The following METTL27 variants were observed in gnomAD, a reference collection of about 807,000 sequenced individuals.
The protein encoded by METTL27 is methyltransferase-like protein 27.
A neutral mutation model predicts 24.5 loss-of-function variants in METTL27; 29 were observed. That is an observed-to-expected ratio of 1.18 (90% CI 0.88 to 1.61). The LOEUF is 1.61. METTL27 is among the 40% of genes most tolerant of loss of function. The pLI is 0.00. For synonymous variants in METTL27, 138 were observed against 146.8 expected (o/e 0.94, Z 0.43); for missense variants, 341 against 324.3 (o/e 1.05, Z -0.40).
intron 1 of METTL27, 108 bp from the exon 2 acceptor site, chr7:73,842,252 C>T: frequency 1.4e-6 from 2 of 1,475,026 alleles, no homozygotes; most frequent in South Asian, 1.4e-5. Flanking sequence ...CTCCTGCCAG[C>T]GCGACCCCTA....
At chr7:73,839,903 T>G in intron 5 of METTL27, 128 bp downstream of exon 5, 1 of 777,390 alleles carries the variant, frequency 1.3e-6, no homozygotes, top group Non-Finnish European at 1.9e-6. Context: ...GGCTAGGCTG[T>G]GTGTGACGCT....
intron 5 of METTL27, among the ~76,000 whole-genome samples, chr7:73,838,559 G>A (rs1167452703): frequency 6.6e-6 from 1 of 152,206 alleles, no homozygotes; most frequent in Non-Finnish European, 1.5e-5. Flanking sequence ...GTTGCTGATA[G>A]AAGGGAGCGC....
rs1788107923 is a variant in METTL27 at position 73,834,680 on chromosome 7, A to C, written c.*63T>G. The C allele has an allele frequency of 2.0e-6, 3 of 1,481,344 alleles. No individual in the cohort carries two copies. Among genetic ancestry groups the C allele is most frequent in the Non-Finnish European group, 2.8e-6 (3 of 1,084,292 alleles). 91.8% of individuals were successfully genotyped at this position (1,481,344 alleles called of 1,614,324 possible). The stretch of plus-strand genomic sequence containing the variant: ...TTTACAGGGGAGGCAGAGGAGGCCC[A>C]GCAGATGGGCCCAGCTAAGGCCACA... On this transcript the variant is annotated 3_prime_UTR_variant, in exon 6 of 6. Transcript: ENST00000297873.
At position 73,842,076 on chromosome 7, in the gene METTL27, A is replaced by G. The variant is rs1554636579; in HGVS notation, c.65T>C (p.Ile22Thr). 2 of 1,613,938 alleles carry G rather than the reference A, an allele frequency of 1.2e-6. No homozygotes were observed. The highest frequency in any genetic ancestry group is 1.1e-5 in the South Asian group (1 of 91,080). Reference protein sequence around the residue: ...VRARVRAAHGIPDLAQKLHFY... With the variant: ...VRARVRAAHGTPDLAQKLHFY... ...ATGGAGCTTTTGGGCCAGGTCGGGG[A>G]TGCCATGCGCGGCCCTGACCCGCGC... is the stretch of plus-strand genomic sequence containing the variant. Residue 22 changes from isoleucine to threonine, a missense_variant, in exon 2 of 6, where the codon ATC (isoleucine) becomes ACC (threonine). Transcript: ENST00000297873.
intron 5 of METTL27, among the ~76,000 whole-genome samples, chr7:73,837,753 G>C (rs1584337845): frequency 6.6e-6 from 1 of 152,154 alleles, no homozygotes; most frequent in East Asian, 1.9e-4. Context: ...GTAGAGATGG[G>C]GTTTTGCCAT....
Position 73,841,141 on chromosome 7 carries a change from C to T in METTL27, c.181G>A (p.Ala61Thr). ...GCACTGTGGGGCGGGCCTGGAAGGG[C>T]TTGTGTGAGGCAGTCCACTGCGAGG... ...PRLAVDCLTQALPGPPHSALI... is the reference protein window; with the variant it reads ...PRLAVDCLTQTLPGPPHSALI... The change falls in exon 3 of 6, where the codon GCC becomes ACC. Residue 61 changes from alanine to threonine, a missense_variant. Coordinates refer to ENST00000297873, the MANE Select transcript of METTL27 (RefSeq NM_152559.3). The T allele has an allele frequency of 6.5e-7, 1 of 1,541,846 alleles. No homozygotes were observed. Among genetic ancestry groups the T allele is most frequent in the Non-Finnish European group, 8.7e-7 (1 of 1,154,092 alleles).
rs73702580 is a variant in METTL27 at position 73,842,087 on chromosome 7, G to T, written c.54C>A (p.Ala18=). The T allele has an allele frequency of 2.6e-5, 42 of 1,613,832 alleles. No individual in the cohort carries two copies. In the South Asian group the frequency reaches 4.1e-4, roughly 16 times the overall value. ...GGGCCAGGTCGGGGATGCCATGCGC[G>T]GCCCTGACCCGCGCCCGCACCTCGG... is the stretch of plus-strand genomic sequence containing the variant. The part of the protein sequence containing the change: ...SLPEVRARVR[A]AHGIPDLAQK... Residue 18 remains alanine (A), a synonymous_variant, in exon 2 of 6, where the codon GCC becomes GCA. Transcript: ENST00000297873.
chr7:73,836,342 C>CA (rs1788195293), intron 5 of METTL27, among the ~76,000 whole-genome samples: 1 of 99,878 alleles, frequency 1.0e-5, no homozygotes, highest in Non-Finnish European at 2.2e-5. Context: ...TCTGCCCGGC[C>CA]GCCCCTACTG....
At chr7:73,837,151 G>C (rs1788232002) in intron 5 of METTL27, among the ~76,000 whole-genome samples, 1 of 143,206 alleles carries the variant, frequency 7.0e-6, no homozygotes, top group Admixed American at 7.0e-5. Context: ...ACTGCGGAAG[G>C]CCGCAGGGTC....
rs782330596 is a variant in METTL27 at position 73,834,962 on chromosome 7, G to T, written c.519C>A (p.Asn173Lys). The T allele has an allele frequency of 1.2e-6, 2 of 1,613,584 alleles. No individual in the cohort carries two copies. Among genetic ancestry groups the T allele is most frequent in the South Asian group, 1.1e-5 (1 of 91,060 alleles). The change falls in exon 6 of 6, where the codon AAC (asparagine) becomes AAA (lysine). Residue 173 changes from asparagine to lysine, a missense_variant. Transcript: ENST00000297873. ...VCLTTRTNSS[N>K]LQYKEALEAT... ...CCTCCAGAGCCTCCTTGTATTGAAG[G>T]TTGGACGAGTTGGTCCTGGTGGTCA...
At chr7:73,841,296 T>C in intron 2 of METTL27, 98 bp from the exon 3 acceptor site, 1 of 1,472,808 alleles carries the variant, frequency 6.8e-7, no homozygotes, top group African/African-American at 1.5e-5. Context: ...AAGCTGTGTG[T>C]GTTGGGGATC....
rs34544195 is a variant in METTL27, at chr7:73,841,471, CT to C, written c.124-274del. ...GGCTCTCTCTGCTGAGTCCACATGA[CT>C]TTTTTTTTTTTTTTTTTTGAGACAG... On this transcript the variant is annotated intron_variant, in intron 2 of 5. Coordinates refer to ENST00000297873, the MANE Select transcript of METTL27 (RefSeq NM_152559.3). Among the ~76,000 whole-genome samples, 735 of 131,032 alleles carry C rather than the reference CT, an allele frequency of 5.6e-3. 1 individual carries two copies. Among genetic ancestry groups the C allele is most frequent in the African/African-American group, 0.012 (400 of 34,148 alleles). The allele number at this position is 131,032 out of a possible 152,430, so 86.0% of individuals were successfully genotyped here.
chr7:73,840,537 C>T lies in METTL27; in HGVS notation c.265G>A (p.Gly89Ser). The T allele has an allele frequency of 2.5e-6, 4 of 1,596,060 alleles. No individual in the cohort carries two copies. The highest frequency in any genetic ancestry group is 3.4e-6 in the Non-Finnish European group (4 of 1,171,890). Residue 89 changes from glycine to serine, a missense_variant, in exon 4 of 6, where the codon GGC (glycine) becomes AGC (serine). Gly to Ser is a moderately conservative substitution (Grantham distance 56). Coordinates refer to ENST00000297873, the MANE Select transcript of METTL27 (RefSeq NM_152559.3). Reference protein sequence around the residue: ...GLVAAELRAPGFLQLHGVDGS... With the variant: ...GLVAAELRAPSFLQLHGVDGS... ...TCCACCCCATGCAGCTGGAGGAAGC[C>T]TGGAGCCCGCAGCTGGGGTAGGGGT...
chr7:73,840,908 G>A (rs1563653020), intron 3 of METTL27, among the ~76,000 whole-genome samples, 162 bp downstream of exon 3: 1 of 152,198 alleles, frequency 6.6e-6, no homozygotes, highest in Non-Finnish European at 1.5e-5. Flanking sequence ...CTGTCCTCCT[G>A]CCTCGGCCTC....
At position 73,842,104 on chromosome 7, in the gene METTL27, G is replaced by T. The variant is rs782679951; in HGVS notation, c.37C>A (p.Arg13=). The part of the protein sequence containing the change: ...QEEGGSLPEV[R]ARVRAAHGIP... Reference sequence around the variant, plus strand: ...CCATGCGCGGCCCTGACCCGCGCCCGCACCTCGGGCAGGCTCCCACCCTCC... The same window carrying T: ...CCATGCGCGGCCCTGACCCGCGCCCTCACCTCGGGCAGGCTCCCACCCTCC... The change falls in exon 2 of 6, where the codon CGG becomes AGG. Residue 13 remains arginine, a synonymous_variant. Coordinates refer to ENST00000297873, the MANE Select transcript of METTL27 (RefSeq NM_152559.3). The T allele has an allele frequency of 2.5e-6, 4 of 1,613,192 alleles. No homozygotes were observed. Among genetic ancestry groups the T allele is most frequent in the Non-Finnish European group, 3.4e-6 (4 of 1,179,876 alleles).
At chr7:73,840,582 C>T in intron 3 of METTL27, 33 bp from the exon 4 acceptor site, 3 of 1,533,984 alleles carry the variant, frequency 2.0e-6, no homozygotes, top group Non-Finnish European at 2.6e-6. Flanking sequence ...AGTCATGGTT[C>T]ACACCTGCCA....
At chr7:73,836,245 G>C (rs1302685672) in intron 5 of METTL27, among the ~76,000 whole-genome samples, 2 of 120,286 alleles carry the variant, frequency 1.7e-5, no homozygotes, top group Admixed American at 1.6e-4. Flanking sequence ...TCAGCCCCCC[G>C]CCCGGCCAGC....
At position 73,841,130 on chromosome 7, in the gene METTL27, G is replaced by A; in HGVS notation, c.192C>T (p.Gly64=). 1.3e-6 allele frequency: 2 copies of A among 1,539,978 alleles called. No individual in the cohort carries two copies. The highest frequency in any genetic ancestry group is 1.7e-4 in the Middle Eastern group (1 of 5,822). ...AVDCLTQALP[G]PPHSALILDV... is the part of the protein sequence containing the mutation. ...CCAGGATCAGGGCACTGTGGGGCGG[G>A]CCTGGAAGGGCTTGTGTGAGGCAGT... Residue 64 remains glycine, a synonymous_variant, in exon 3 of 6, where the codon GGC becomes GGT. Coordinates refer to ENST00000297873, the MANE Select transcript of METTL27 (RefSeq NM_152559.3).
chr7:73,836,080 G>C (rs1788177388), intron 5 of METTL27, among the ~76,000 whole-genome samples: 1 of 152,070 alleles, frequency 6.6e-6, no homozygotes, highest in Non-Finnish European at 1.5e-5. Flanking sequence ...CGGGAGGGAG[G>C]TGGGGGGGTC....
Sources: allele counts gnomAD v4.1 joint callset (sites outside exome capture counted in the v4.1 genomes callset), GRCh38; gene constraint gnomAD v4.1.1; transcripts MANE v1.5; gene names NCBI Gene and HGNC (gene_info 2026-07-23, HGNC 2026-07-21).